The following RALGAPA1 variants were observed in gnomAD, a reference collection of about 807,000 sequenced individuals.
RALGAPA1 encodes the protein Ral GTPase activating protein catalytic subunit alpha 1, also known as ral GTPase-activating protein subunit alpha-1.
In RALGAPA1, 52 loss-of-function variants were observed where a neutral mutation model predicts 269.6. The ratio of observed to expected loss-of-function variants is 0.19; its 90% CI spans 0.15 to 0.24. The LOEUF (loss-of-function observed/expected upper bound fraction) is 0.24. RALGAPA1 is among the 10% of genes least tolerant of loss of function. The pLI, the probability that RALGAPA1 is intolerant of heterozygous loss-of-function variation, is 1.00. For missense variants in RALGAPA1, 1,917 were observed against 3,013.9 expected, an observed-to-expected ratio of 0.64 and a Z score of 8.52; for synonymous variants, 817 against 1,008.3, an observed-to-expected ratio of 0.81 and a Z score of 3.60.
At position 35,714,873 on chromosome 14, in the gene RALGAPA1, T is replaced by C. The variant is rs149436658; in HGVS notation, c.2266+6815A>G. ...GTTTGGTCAGTACACAATTCTATAA[T>C]GATAGTTATTTTTCCTTAGCACTTT... On this transcript the variant is annotated intron_variant, in intron 16 of 41. Transcript: ENST00000680220. Among the ~76,000 whole-genome samples, 548 of 152,338 alleles carry C rather than the reference T, an allele frequency of 3.6e-3. 1 individual carries two copies. Among genetic ancestry groups the C allele is most frequent in the Middle Eastern group, 6.8e-3 (2 of 294 alleles).
chr14:35,754,251 T>C (rs2072986375), intron 7 of RALGAPA1, among the ~76,000 whole-genome samples: 1 of 152,070 alleles, frequency 6.6e-6, no homozygotes, highest in East Asian at 1.9e-4. Flanking sequence ...GTGGACTTCA[T>C]CAAAATAAAA....
chr14:35,790,902 A>T (rs985937362), intron 1 of RALGAPA1, among the ~76,000 whole-genome samples: 1 of 152,218 alleles, frequency 6.6e-6, no homozygotes, highest in Non-Finnish European at 1.5e-5. Context: ...TAAGTATATC[A>T]AATACAGTGA....
At chr14:35,643,099 G>A (rs890422653) in intron 31 of RALGAPA1, among the ~76,000 whole-genome samples, 20 of 151,008 alleles carry the variant, frequency 1.3e-4, no homozygotes, top group Non-Finnish European at 4.4e-5. Context: ...ACCAAACACC[G>A]CAAGTTCTCA....
intron 1 of RALGAPA1, among the ~76,000 whole-genome samples, chr14:35,799,881 A>G (rs77123912): frequency 6.4e-4 from 98 of 152,222 alleles, no homozygotes; most frequent in African/African-American, 2.2e-3. Flanking sequence ...ACACAAGTAG[A>G]TTTAAAAGAT....
At chr14:35,696,417 A>G (rs1219406019) in intron 17 of RALGAPA1, among the ~76,000 whole-genome samples, 1 of 152,110 alleles carries the variant, frequency 6.6e-6, no homozygotes, top group Non-Finnish European at 1.5e-5. Flanking sequence ...TTAACTCTTC[A>G]AGAATACTCA....
intron 37 of RALGAPA1, among the ~76,000 whole-genome samples, chr14:35,587,484 G>A (rs1195517600): frequency 6.6e-6 from 1 of 152,156 alleles, no homozygotes; most frequent in Admixed American, 6.5e-5. Flanking sequence ...GTCCATCAAT[G>A]ATAGACTGGA....
At chr14:35,632,624 C>A (rs1594898244) in intron 33 of RALGAPA1, among the ~76,000 whole-genome samples, 1 of 152,128 alleles carries the variant, frequency 6.6e-6, no homozygotes, top group Non-Finnish European at 1.5e-5. Context: ...TTCACTCTGA[C>A]CCGGCAAATG....
intron 31 of RALGAPA1, among the ~76,000 whole-genome samples, chr14:35,643,747 CT>C (rs59422232): frequency 0.13 from 19,603 of 152,086 alleles, 2,135 homozygotes; most frequent in East Asian, 0.31. Context: ...ATAGATGGAA[CT>C]GGAAGTCATT....
At chr14:35,801,568 A>G (rs949520263) in intron 1 of RALGAPA1, among the ~76,000 whole-genome samples, 16 of 152,154 alleles carry the variant, frequency 1.1e-4, no homozygotes, top group African/African-American at 3.4e-4. Context: ...ATGCCTGGAC[A>G]TGAATCCTAT....
intron 41 of RALGAPA1, among the ~76,000 whole-genome samples, chr14:35,540,477 T>C (rs1035495797): frequency 6.6e-6 from 1 of 152,210 alleles, no homozygotes. Flanking sequence ...CAAAATCAAA[T>C]AGGAAAGTTC....
chr14:35,645,780 C>T (rs924311210), intron 31 of RALGAPA1, among the ~76,000 whole-genome samples: 3 of 150,678 alleles, frequency 2.0e-5, no homozygotes, highest in Admixed American at 6.6e-5. Context: ...ATGCCTAGTT[C>T]TTAGATACTG....
intron 4 of RALGAPA1, 130 bp from the exon 5 acceptor site, chr14:35,762,883 A>G (rs1477654933): frequency 1.6e-6 from 1 of 626,524 alleles, no homozygotes; most frequent in Non-Finnish European, 2.9e-6. Context: ...TGACCTTTAT[A>G]TCCTTCTGCC....
At chr14:35,688,332 T>A (rs2066139090) in intron 18 of RALGAPA1, 127 bp downstream of exon 18, 2 of 1,057,064 alleles carry the variant, frequency 1.9e-6, no homozygotes, top group Non-Finnish European at 2.7e-6. Flanking sequence ...GGCGCATGCA[T>A]AACCAAACAG....
At position 35,627,469 on chromosome 14, in the gene RALGAPA1, T is replaced by C; in HGVS notation, c.6478A>G (p.Lys2160Glu). ...TTAAACTGGAGAGAAAGTCCATCTT[T>C]TACGGTTATATCTTCTAAGCATTCA... is the stretch of plus-strand genomic sequence containing the variant. ...SNECLEDITV[K>E]DGLSLQFKRF... The change falls in exon 34 of 42, where the codon AAA (lysine) becomes GAA (glutamate). Residue 2160 changes from lysine to glutamate, a missense_variant. Physicochemically the swap from Lys to Glu is moderately conservative, Grantham distance 56. Around this residue, in one of 11 missense-constraint regions of RALGAPA1, gnomAD observed 25 missense variants for 19.2 expected, o/e 1.30. Coordinates refer to ENST00000680220, the MANE Select transcript of RALGAPA1 (RefSeq NM_001346249.2). The C allele has an allele frequency of 3.1e-6, 5 of 1,613,584 alleles. No individual in the cohort carries two copies. Among genetic ancestry groups the C allele is most frequent in the Non-Finnish European group, 4.2e-6 (5 of 1,179,888 alleles).
chr14:35,674,866 C>G (rs1056680579), intron 22 of RALGAPA1, among the ~76,000 whole-genome samples, 157 bp from the exon 23 acceptor site: 1 of 151,928 alleles, frequency 6.6e-6, no homozygotes, highest in Non-Finnish European at 1.5e-5. Context: ...CAAAACCTCA[C>G]TTATTATTAT....
chr14:35,576,859 A>G (rs1275442006), intron 37 of RALGAPA1, among the ~76,000 whole-genome samples: 2 of 152,168 alleles, frequency 1.3e-5, no homozygotes, highest in African/African-American at 2.4e-5. Flanking sequence ...ACCTCCCTAT[A>G]TTGTTTCTTG....
intron 39 of RALGAPA1, chr14:35,564,631 T>C (rs1239735888): frequency 6.6e-6 from 1 of 152,100 alleles, no homozygotes; most frequent in South Asian, 2.1e-4. Context: ...TTAGAAGAAA[T>C]CAAACGATAC....
chr14:35,796,968 T>C (rs538203655), intron 1 of RALGAPA1, among the ~76,000 whole-genome samples: 1 of 152,098 alleles, frequency 6.6e-6, no homozygotes, highest in East Asian at 2.0e-4. Flanking sequence ...TTTGTATCTT[T>C]AGTAGAGACA....
chr14:35,656,108 T>A (rs2063157657), intron 28 of RALGAPA1, among the ~76,000 whole-genome samples, 193 bp from the exon 29 acceptor site: 1 of 152,090 alleles, frequency 6.6e-6, no homozygotes, highest in Admixed American at 6.6e-5. Context: ...TGAGCCTAAT[T>A]TTCTATTATA....
Sources: gnomAD v4.1 joint callset for allele counts (sites outside exome capture counted in the v4.1 genomes callset) on GRCh38, gnomAD v4.1.1 for gene constraint, gnomAD v4.1.1 regional missense constraint, MANE v1.5 for transcripts, NCBI Gene and HGNC (gene_info 2026-07-23, HGNC 2026-07-21) for gene names.